The following RAP1GAP variants were observed in gnomAD, a reference collection of about 807,000 sequenced individuals.
RAP1GAP encodes RAP1 GTPase activating protein.
RAP1GAP carries 35 observed loss-of-function variants against 87.2 expected under a neutral mutation model. The ratio of observed to expected loss-of-function variants is 0.40; its 90% CI spans 0.31 to 0.53. The LOEUF is 0.53. RAP1GAP is among the 20% of genes least tolerant of loss of function. RAP1GAP has a pLI of 0.48. For synonymous variants in RAP1GAP, 375 were observed against 363.9 expected (o/e 1.03, Z -0.35); for missense variants, 734 against 898.9 (o/e 0.82, Z 2.35).
At position 21,634,730 on chromosome 1, in the gene RAP1GAP, C is replaced by A; in HGVS notation, c.-112-8333G>T. The A allele has an allele frequency of 2.2e-6, 1 of 463,648 alleles. No homozygotes were observed. The highest frequency in any genetic ancestry group is 4.4e-6 in the Non-Finnish European group (1 of 229,446). The allele number at this position is 463,648 out of a possible 1,614,324, so 28.7% of individuals were successfully genotyped here. A position where few individuals can be genotyped will look rare whatever the true frequency, so the allele number is the denominator to read the frequency against. On this transcript the variant is annotated intron_variant, in intron 2 of 24. Coordinates refer to ENST00000374765, the MANE Select transcript of RAP1GAP (RefSeq NM_002885.4). The surrounding 1 kb of genome is among the most constrained non-coding windows in gnomAD (Gnocchi z 4.1). Reference sequence around the variant, plus strand: ...TCACGGGACCGGTCCCTGCCCAGGGCACAGCATCTGGGAACCAGGCCACCC... The same window carrying A: ...TCACGGGACCGGTCCCTGCCCAGGGAACAGCATCTGGGAACCAGGCCACCC...
chr1:21,664,061 C>A (rs368948291), intron 1 of RAP1GAP, among the ~76,000 whole-genome samples: 3 of 152,188 alleles, frequency 2.0e-5, no homozygotes, highest in Non-Finnish European at 2.9e-5. Flanking sequence ...AGAGGCCGGG[C>A]GGCTTGCCTG....
chr1:21,597,800 C>G, intron 23 of RAP1GAP, 72 bp from the exon 24 acceptor site: 8 of 1,576,606 alleles, frequency 5.1e-6, no homozygotes, highest in Non-Finnish European at 3.5e-6. Context: ...CACAGGTGCA[C>G]AAAGTCACTG....
intron 18 of RAP1GAP, among the ~76,000 whole-genome samples, chr1:21,604,735 A>G (rs1424165457): frequency 6.6e-6 from 1 of 151,970 alleles, no homozygotes; most frequent in Non-Finnish European, 1.5e-5. Flanking sequence ...GCCTCACAGC[A>G]CTGAGCGCAG....
chr1:21,629,910 G>C (rs1369077891), intron 2 of RAP1GAP, among the ~76,000 whole-genome samples: 1 of 152,146 alleles, frequency 6.6e-6, no homozygotes, highest in Non-Finnish European at 1.5e-5. Flanking sequence ...TAACATGTAC[G>C]TCCAATCCTG....
rs1389121977 is a variant in RAP1GAP, at chr1:21,609,578, C to T, written c.1068G>A (p.Arg356=). 1 of 1,559,072 alleles carries T rather than the reference C, an allele frequency of 6.4e-7. No individual in the cohort carries two copies. The highest frequency in any genetic ancestry group is 1.3e-5 in the South Asian group (1 of 79,634). ...TGACTGGGGGGGTGCCCCTCACCTT[C>T]CTGAACACAGCGGGGTCCGGGAGGG... ...GPPLPDPAVF[R]KGPEFQEFLL... is the part of the protein sequence containing the mutation. The change falls in exon 15 of 25, where the codon AGG becomes AGA. Residue 356 remains arginine (R), a synonymous_variant. Coordinates refer to ENST00000374765, the MANE Select transcript of RAP1GAP (RefSeq NM_002885.4). This position sits in a 1 kb window ranked among gnomAD's most constrained non-coding sequence, Gnocchi z 4.4.
intron 2 of RAP1GAP, among the ~76,000 whole-genome samples, chr1:21,636,987 C>A (rs2094838264): frequency 6.7e-6 from 1 of 150,194 alleles, no homozygotes; most frequent in South Asian, 2.1e-4. Context: ...ACCTGAGCAA[C>A]CTGCCATGTA....
In RAP1GAP at chr1:21,669,265, G is replaced by A. The variant is rs1286222720; in HGVS notation, c.-160C>T. On this transcript the variant is annotated 5_prime_UTR_variant, in exon 1 of 25. Transcript: ENST00000374765. This position sits in a 1 kb window ranked among gnomAD's most constrained non-coding sequence, Gnocchi z 5.6. The stretch of plus-strand genomic sequence containing the variant: ...CGGGGCGCACTCACCCAAGGGCCTG[G>A]GCCGGGGGCGTCCTGGGCTCGGCAC... 8.1e-7 allele frequency: 1 copy of A among 1,233,432 alleles called. No individual in the cohort carries two copies. The highest frequency in any genetic ancestry group is 1.6e-5 in the African/African-American group (1 of 60,860). The allele number at this position is 1,233,432 out of a possible 1,614,324, so 76.4% of individuals were successfully genotyped here.
At position 21,634,719 on chromosome 1, in the gene RAP1GAP, C is replaced by A; in HGVS notation, c.-112-8322G>T. On this transcript the variant is annotated intron_variant, in intron 2 of 24. Coordinates refer to ENST00000374765, the MANE Select transcript of RAP1GAP (RefSeq NM_002885.4). The surrounding 1 kb of genome is among the most constrained non-coding windows in gnomAD (Gnocchi z 4.1). Reference sequence around the variant, plus strand: ...TAGAGAGGTGGTCACGGGACCGGTCCCTGCCCAGGGCACAGCATCTGGGAA... The same window carrying A: ...TAGAGAGGTGGTCACGGGACCGGTCACTGCCCAGGGCACAGCATCTGGGAA... 2.3e-6 allele frequency: 1 copy of A among 443,124 alleles called. No individual in the cohort carries two copies. Among genetic ancestry groups the A allele is most frequent in the Non-Finnish European group, 4.6e-6 (1 of 217,088 alleles). 27.4% of individuals were successfully genotyped at this position (443,124 alleles called of 1,614,324 possible).
intron 17 of RAP1GAP, 59 bp downstream of exon 17, chr1:21,608,154 C>A: frequency 1.3e-6 from 2 of 1,590,452 alleles, no homozygotes; most frequent in Non-Finnish European, 1.7e-6. Flanking sequence ...AGCCTCAGCC[C>A]GGGATTCCGC....
At position 21,622,184 on chromosome 1, in the gene RAP1GAP, C is replaced by G. The variant is rs1196913937; in HGVS notation, c.-18-2134G>C. Reference sequence around the variant, plus strand: ...TCCGGGACCCCAGGGTAGGGGTGCGCCCCGTGGCCAGTGTCAGCCCAGAAG... The same window carrying G: ...TCCGGGACCCCAGGGTAGGGGTGCGGCCCGTGGCCAGTGTCAGCCCAGAAG... On this transcript the variant is annotated intron_variant, in intron 3 of 24. Coordinates refer to ENST00000374765, the MANE Select transcript of RAP1GAP (RefSeq NM_002885.4). This position sits in a 1 kb window ranked among gnomAD's most constrained non-coding sequence, Gnocchi z 5.7. Among the ~76,000 whole-genome samples, 2 of 152,148 alleles carry G rather than the reference C, an allele frequency of 1.3e-5. No homozygotes were observed. The highest frequency in any genetic ancestry group is 4.8e-5 in the African/African-American group (2 of 41,438).
chr1:21,626,549 G>C (rs1412283400), intron 2 of RAP1GAP, among the ~76,000 whole-genome samples, 152 bp from the exon 3 acceptor site: 1 of 152,134 alleles, frequency 6.6e-6, no homozygotes, highest in Non-Finnish European at 1.5e-5. Context: ...GAGAGGAGGG[G>C]CTTCATTAGC....
rs748027066 is a variant in RAP1GAP at position 21,599,544 on chromosome 1, C to T, written c.1726G>A (p.Ala576Thr). 6 of 1,609,814 alleles carry T rather than the reference C, an allele frequency of 3.7e-6. No individual in the cohort carries two copies. The highest frequency in any genetic ancestry group is 1.3e-5 in the African/African-American group (1 of 75,054). The part of the protein sequence containing the change: ...SRSSSSASSF[A>T]SVVEETEGVD... ...CCCTCCGTCTCCTCCACCACGCTGG[C>T]GAAGCTGCTGGCACTGGACGAGGAG... Residue 576 changes from alanine (A) to threonine (T), a missense_variant, in exon 21 of 25, where the codon GCC (alanine) becomes ACC (threonine). By Grantham distance (58) the Ala-to-Thr change is moderately conservative (BLOSUM62 0). Coordinates refer to ENST00000374765, the MANE Select transcript of RAP1GAP (RefSeq NM_002885.4).
chr1:21,650,651 C>T (rs1306687343), intron 1 of RAP1GAP, among the ~76,000 whole-genome samples: 12 of 152,312 alleles, frequency 7.9e-5, no homozygotes, highest in South Asian at 2.1e-4. Context: ...TGGGGAAGGC[C>T]GACTCTGCAG....
At chr1:21,660,345 A>ATATATT in intron 1 of RAP1GAP, among the ~76,000 whole-genome samples, 1 of 92,638 alleles carries the variant, frequency 1.1e-5, no homozygotes, top group African/African-American at 3.8e-5. Context: ...TCAGCTATAT[A>ATATATT]TATTTATTGA....
chr1:21,651,409 TGCGCACACAC>T (rs770231196), intron 1 of RAP1GAP: 2 of 548,580 alleles, frequency 3.6e-6, no homozygotes, highest in African/African-American at 3.8e-5. Context: ...TGTGAGCAGT[TGCGCACACAC>T]GCATGCACAC....
chr1:21,612,543 C>G (rs11586663), intron 10 of RAP1GAP, among the ~76,000 whole-genome samples: 1 of 152,196 alleles, frequency 6.6e-6, no homozygotes, highest in Non-Finnish European at 1.5e-5. Context: ...TTCTCCTCCT[C>G]ACCTTAGGCC....
At chr1:21,611,990 AGGT>A (rs1558673316) in intron 11 of RAP1GAP, 33 bp downstream of exon 11, 1 of 1,506,908 alleles carries the variant, frequency 6.6e-7, no homozygotes, top group East Asian at 2.4e-5. Flanking sequence ...ATATGGGGCC[AGGT>A]GGGGAGGGGC....
intron 5 of RAP1GAP, among the ~76,000 whole-genome samples, chr1:21,618,397 T>A (rs1038806338): frequency 8.5e-5 from 13 of 152,172 alleles, no homozygotes; most frequent in African/African-American, 3.1e-4. Context: ...CCTGTAGCCC[T>A]GGGCCCACTC....
At chr1:21,607,617 C>G (rs2075553110) in intron 17 of RAP1GAP, among the ~76,000 whole-genome samples, 1 of 152,112 alleles carries the variant, frequency 6.6e-6, no homozygotes, top group Admixed American at 6.5e-5. Flanking sequence ...GACCTAGCAG[C>G]CTTTGTACCA....
Sources: allele counts gnomAD v4.1 joint callset (sites outside exome capture counted in the v4.1 genomes callset), GRCh38; gene constraint gnomAD v4.1.1; non-coding constraint Gnocchi (gnomAD v3.1); transcripts MANE v1.5; gene names NCBI Gene and HGNC (gene_info 2026-07-23, HGNC 2026-07-21).